Variants in CLEC12A observed in about 807,000 individuals in gnomAD.
CLEC12A encodes C-type lectin protein CLL-1.
CLEC12A carries 22 observed loss-of-function variants against 26.5 expected under a neutral mutation model. That is an observed-to-expected ratio of 0.83 (90% CI 0.59 to 1.19). The LOEUF is 1.19. CLEC12A is among the 50% of genes most tolerant of loss of function. The pLI is 0.00. For synonymous variants in CLEC12A, 119 were observed against 101.9 expected, an observed-to-expected ratio of 1.17 and a Z score of -1.01; for missense variants, 353 against 315.6, an observed-to-expected ratio of 1.12 and a Z score of -0.90.
At chr12:9,974,837 G>C (rs1390803341) in intron 1 of CLEC12A, among the ~76,000 whole-genome samples, 1 of 152,098 alleles carries the variant, frequency 6.6e-6, no homozygotes, top group East Asian at 1.9e-4. Context: ...GTTTGACTGT[G>C]TCTCCACCCA....
intron 1 of CLEC12A, chr12:9,953,141 C>T (rs1199714773): frequency 1.8e-5 from 2 of 113,314 alleles, no homozygotes; most frequent in East Asian, 3.4e-4. Flanking sequence ...GGTGGGGGGT[C>T]AGCCCCCCGC....
At chr12:9,996,892 G>A (rs762729909), downstream of CLEC12A, 2 of 1,613,962 alleles carry the variant, frequency 1.2e-6, no homozygotes, top group South Asian at 1.1e-5. Context: ...ATTCATGTCA[G>A]TGCAGTACTG....
chr12:9,953,770 C>G (rs1362232432), intron 1 of CLEC12A, among the ~76,000 whole-genome samples: 2 of 151,984 alleles, frequency 1.3e-5, no homozygotes, highest in Non-Finnish European at 2.9e-5. Context: ...AATAGAAAGG[C>G]GGGAAAGGTG....
chr12:9,965,366 T>C (rs371118020), intron 1 of CLEC12A, among the ~76,000 whole-genome samples: 6 of 152,210 alleles, frequency 3.9e-5, no homozygotes, highest in East Asian at 1.9e-4. Context: ...TTTATGAGAA[T>C]TATGCTGAGA....
chr12:10,005,621 C>A, the CLEC12A span, among the ~76,000 whole-genome samples: 1 of 152,148 alleles, frequency 6.6e-6, no homozygotes, highest in African/African-American at 2.4e-5. Flanking sequence ...GTAAGTGTTG[C>A]TCCAGGATTT....
chr12:9,989,010 A>C (rs1310076098), downstream of CLEC12A, among the ~76,000 whole-genome samples: 2 of 152,178 alleles, frequency 1.3e-5, no homozygotes, highest in Non-Finnish European at 2.9e-5. Context: ...TGGCACATAT[A>C]CACCATGGAA....
chr12:9,969,713 A>G (rs1864058858), upstream of CLEC12A, among the ~76,000 whole-genome samples: 1 of 152,144 alleles, frequency 6.6e-6, no homozygotes, highest in South Asian at 2.1e-4. Context: ...CCATCCTTTC[A>G]CAAACAAAGA....
intron 5 of CLEC12A, among the ~76,000 whole-genome samples, chr12:9,982,466 A>C (rs1426771968): frequency 6.6e-6 from 1 of 152,118 alleles, no homozygotes; most frequent in Non-Finnish European, 1.5e-5. Context: ...GATGAATGAA[A>C]TATTGATTCA....
At chr12:9,952,283 C>G (rs946355192) in intron 1 of CLEC12A, among the ~76,000 whole-genome samples, 7 of 150,334 alleles carry the variant, frequency 4.7e-5, no homozygotes, top group Admixed American at 4.6e-4. Flanking sequence ...TGCAACCTCC[C>G]TGCCTGATTC....
At chr12:9,984,060 C>A in intron 5 of CLEC12A, 3 of 297,196 alleles carry the variant, frequency 1.0e-5, no homozygotes, top group Non-Finnish European at 1.3e-5. Flanking sequence ...TTTCAGTTAT[C>A]AAAAAGAAAA....
the CLEC12A span, among the ~76,000 whole-genome samples, chr12:10,005,465 G>C: frequency 6.6e-6 from 1 of 152,124 alleles, no homozygotes. Flanking sequence ...ATCCAAACTT[G>C]CTTCTACGAT....
chr12:9,981,888 A>G, intron 4 of CLEC12A, 132 bp from the exon 5 acceptor site: 1 of 516,558 alleles, frequency 1.9e-6, no homozygotes. Flanking sequence ...ATTTCTTATA[A>G]TGACATTTAA....
At chr12:9,990,770 TTC>T (rs1864873543) in intron 4 of CLEC12A, among the ~76,000 whole-genome samples, 1 of 152,128 alleles carries the variant, frequency 6.6e-6, no homozygotes, top group Non-Finnish European at 1.5e-5. Flanking sequence ...AGATAAAAAT[TTC>T]ATAAAAGGAA....
chr12:9,959,003 G>T (rs2137100483), intron 1 of CLEC12A, among the ~76,000 whole-genome samples: 1 of 152,342 alleles, frequency 6.6e-6, no homozygotes, highest in South Asian at 2.1e-4. Context: ...GGAAGACTTT[G>T]TAATTTTGAG....
At chr12:9,995,624 CTTAGAG>C (rs1201040180) in exon 5 of CLEC12A, 1 of 298,074 alleles carries the variant, frequency 3.4e-6, no homozygotes, top group South Asian at 3.0e-5. Context: ...CTGTATATTC[CTTAGAG>C]TTAAAGCCCT....
chr12:9,967,238 G>A (rs571639404), upstream of CLEC12A, among the ~76,000 whole-genome samples: 166 of 151,696 alleles, frequency 1.1e-3, 5 homozygotes, highest in South Asian at 0.034. Context: ...GGGAGGGAAA[G>A]AAGGAAGATT....
chr12:9,980,550 A>G, intron 3 of CLEC12A, 32 bp from the exon 4 acceptor site: 1 of 1,602,182 alleles, frequency 6.2e-7, no homozygotes. Context: ...GACTATCAAC[A>G]AAACCCAAAT....
In CLEC12A at chr12:9,971,629, A is replaced by G; in HGVS notation, c.33A>G (p.Gln11=). 1 of 1,610,390 alleles carries G rather than the reference A, an allele frequency of 6.2e-7. No homozygotes were observed. The highest frequency in any genetic ancestry group is 1.1e-5 in the South Asian group (1 of 90,284). Residue 11 remains glutamine, a synonymous_variant, in exon 1 of 6, where the codon CAA becomes CAG. Transcript: ENST00000304361. ...AAGAAGTTACTTATGCAGATCTTCA[A>G]TTCCAGAACTCCAGTGAGATGGAAA... MSEEVTYADL[Q]FQNSSEMEKI... is the part of the protein sequence containing the mutation.
At chr12:9,975,723 A>C (rs1161900512) in intron 1 of CLEC12A, among the ~76,000 whole-genome samples, 2 of 152,202 alleles carry the variant, frequency 1.3e-5, no homozygotes, top group Admixed American at 1.3e-4. Context: ...GATAATCGCC[A>C]AGGCAATGGG....
Sources: gnomAD v4.1 joint callset for allele counts (sites outside exome capture counted in the v4.1 genomes callset) on GRCh38, gnomAD v4.1.1 for gene constraint, MANE v1.5 for transcripts, NCBI Gene and HGNC (gene_info 2026-07-23, HGNC 2026-07-21) for gene names.